The following VPS13B variants were observed in gnomAD, a reference collection of about 807,000 sequenced individuals.
VPS13B encodes the protein intermembrane lipid transfer protein VPS13B.
A neutral mutation model predicts 426.4 loss-of-function variants in VPS13B; 285 were observed. The ratio of observed to expected loss-of-function variants is 0.67; its 90% CI spans 0.61 to 0.74. The LOEUF is 0.74. VPS13B is among the 30% of genes least tolerant of loss of function. The probability of loss-of-function intolerance (pLI) is 0.00; values close to 1 mark genes in which losing one functional copy is unlikely to be tolerated. For synonymous variants in VPS13B, 1,676 were observed against 1,676.4 expected (o/e 1.00, Z 0.01); for missense variants, 4,537 against 4,782.6 (o/e 0.95, Z 1.51).
At chr8:99,546,183 A>C (rs1355621152) in intron 30 of VPS13B, among the ~76,000 whole-genome samples, 1 of 152,004 alleles carries the variant, frequency 6.6e-6, no homozygotes, top group African/African-American at 2.4e-5. Flanking sequence ...AACTCCATAC[A>C]TTAAAAACCA....
At chr8:99,140,454 T>C (rs979635838) in intron 12 of VPS13B, among the ~76,000 whole-genome samples, 1 of 149,696 alleles carries the variant, frequency 6.7e-6, no homozygotes, top group African/African-American at 2.5e-5. Context: ...AATGATAAAA[T>C]AGTATCTTGT....
chr8:99,147,715 C>A, intron 13 of VPS13B, 126 bp from the exon 14 acceptor site: 1 of 488,646 alleles, frequency 2.0e-6, no homozygotes, highest in Non-Finnish European at 3.1e-6. Context: ...TATTTTATAC[C>A]TGCTTCATTG....
chr8:99,095,389 A>G (rs184391534), intron 3 of VPS13B, among the ~76,000 whole-genome samples: 1 of 152,060 alleles, frequency 6.6e-6, no homozygotes, highest in African/African-American at 2.4e-5. Context: ...GCTTTTGCTT[A>G]TGGTTCCTCC....
chr8:99,086,038 A>G (rs1845765396), intron 3 of VPS13B, among the ~76,000 whole-genome samples: 1 of 152,176 alleles, frequency 6.6e-6, no homozygotes, highest in South Asian at 2.1e-4. Context: ...CTCCTGTATA[A>G]TATCCTGCAG....
chr8:99,787,726 T>C (rs911042082), intron 43 of VPS13B, among the ~76,000 whole-genome samples: 2 of 152,172 alleles, frequency 1.3e-5, no homozygotes, highest in African/African-American at 4.8e-5. Context: ...AAACCAGCTA[T>C]AGTGACATCT....
intron 39 of VPS13B, among the ~76,000 whole-genome samples, chr8:99,732,651 G>A (rs1169980837): frequency 1.3e-5 from 2 of 152,234 alleles, no homozygotes; most frequent in African/African-American, 2.4e-5. Context: ...TTCTCATCTT[G>A]CCTGATTGTG....
At chr8:99,156,300 A>C (rs554673707) in intron 14 of VPS13B, among the ~76,000 whole-genome samples, 1 of 152,330 alleles carries the variant, frequency 6.6e-6, no homozygotes, top group Non-Finnish European at 1.5e-5. Flanking sequence ...AAAAAGAAAA[A>C]AAGCTTGAGC....
chr8:99,198,344 GT>G (rs941363690), intron 17 of VPS13B, among the ~76,000 whole-genome samples: 2 of 151,444 alleles, frequency 1.3e-5, no homozygotes, highest in Non-Finnish European at 3.0e-5. Context: ...CAATATTAAT[GT>G]TTTTTTTAAA....
chr8:99,818,485 G>T lies in VPS13B; in HGVS notation c.8396G>T (p.Trp2799Leu). The T allele has an allele frequency of 1.2e-6, 2 of 1,613,932 alleles. No homozygotes were observed. The highest frequency in any genetic ancestry group is 1.7e-6 in the Non-Finnish European group (2 of 1,179,934). The change falls in exon 46 of 62, where the codon TGG becomes TTG. Residue 2799 changes from tryptophan to leucine, a missense_variant. Transcript: ENST00000357162. ...PSSNSSIIYV[W>L]CTVLTLEPNS... is the part of the protein sequence containing the mutation. Reference sequence around the variant, plus strand: ...TCAAACAGTTCCATTATTTATGTCTGGTGCACAGTTTTGACTTTAGAACCC... The same window carrying T: ...TCAAACAGTTCCATTATTTATGTCTTGTGCACAGTTTTGACTTTAGAACCC...
chr8:99,733,618 T>A (rs1387128172), intron 39 of VPS13B, among the ~76,000 whole-genome samples: 3 of 152,210 alleles, frequency 2.0e-5, no homozygotes, highest in East Asian at 3.8e-4. Flanking sequence ...TTGGAGGAAA[T>A]CTGAGTTTTG....
chr8:99,701,956 A>G (rs961210419), intron 36 of VPS13B, among the ~76,000 whole-genome samples: 1 of 152,062 alleles, frequency 6.6e-6, no homozygotes, highest in Non-Finnish European at 1.5e-5. Flanking sequence ...ATTGCCACAT[A>G]TTTTTTTCAA....
intron 39 of VPS13B, among the ~76,000 whole-genome samples, chr8:99,736,107 A>G (rs1234295928): frequency 6.6e-6 from 1 of 152,198 alleles, no homozygotes; most frequent in Non-Finnish European, 1.5e-5. Flanking sequence ...GCAATTGCTC[A>G]GTATGTGTGG....
Position 99,156,685 on chromosome 8 carries a change from GC to G in VPS13B, c.2152del (p.Thr719LeufsTer26). The G allele has an allele frequency of 7.4e-6, 12 of 1,614,054 alleles. No homozygotes were observed. Among genetic ancestry groups the G allele is most frequent in the Non-Finnish European group, 1.0e-5 (12 of 1,179,920 alleles). On this transcript the variant is annotated frameshift_variant, in exon 15 of 62. Transcript: ENST00000357162. LOFTEE classifies it high-confidence loss of function. ...YAEQLVHVVS[S>X]LTQPSDNLLH... is the part of the protein sequence containing the mutation. ...GAACAGTTGGTGCATGTGGTCAGCAGCCTTACTCAACCTTCTGATAACCTGC... is the reference window on the plus strand; with the variant it reads ...GAACAGTTGGTGCATGTGGTCAGCAGCTTACTCAACCTTCTGATAACCTGC...
chr8:99,469,451 C>T (rs1395723824), intron 24 of VPS13B, among the ~76,000 whole-genome samples: 1 of 152,082 alleles, frequency 6.6e-6, no homozygotes, highest in Non-Finnish European at 1.5e-5. Context: ...GCCGGGATTA[C>T]ATGGTGTGAG....
chr8:99,274,120 G>A (rs993728728), intron 17 of VPS13B, 78 bp from the exon 18 acceptor site: 5 of 1,586,626 alleles, frequency 3.2e-6, no homozygotes, highest in African/African-American at 2.7e-5. Context: ...GTATAATTAA[G>A]TTTAAATGCC....
intron 23 of VPS13B, among the ~76,000 whole-genome samples, chr8:99,456,876 T>A (rs1175717047): frequency 1.3e-5 from 2 of 152,288 alleles, no homozygotes; most frequent in East Asian, 3.9e-4. Flanking sequence ...TGACATTCTT[T>A]CCTTAAATGT....
At chr8:99,196,703 T>C (rs1813954547) in intron 17 of VPS13B, among the ~76,000 whole-genome samples, 1 of 152,160 alleles carries the variant, frequency 6.6e-6, no homozygotes, top group African/African-American at 2.4e-5. Flanking sequence ...CCTCCTAAAA[T>C]ACTGGGATTA....
chr8:99,696,800 C>T, intron 35 of VPS13B: 1 of 1,407,758 alleles, frequency 7.1e-7, no homozygotes, highest in Admixed American at 1.7e-5. Flanking sequence ...TGAGAATGAG[C>T]TGACCCTGGA....
At chr8:99,460,804 C>T (rs758981941) in intron 23 of VPS13B, among the ~76,000 whole-genome samples, 3 of 152,072 alleles carry the variant, frequency 2.0e-5, no homozygotes, top group Admixed American at 6.6e-5. Flanking sequence ...ACATTGTTCA[C>T]CACTCCAAAT....
Sources: allele counts gnomAD v4.1 joint callset (sites outside exome capture counted in the v4.1 genomes callset), GRCh38; gene constraint gnomAD v4.1.1; transcripts MANE v1.5; gene names NCBI Gene and HGNC (gene_info 2026-07-23, HGNC 2026-07-21).